DNAI4: variants seen among roughly 807,000 people sequenced by gnomAD.
DNAI4 encodes WD repeat domain 78.
DNAI4 carries 85 observed loss-of-function variants against 105.8 expected under a neutral mutation model. That is an observed-to-expected ratio of 0.80 (90% CI 0.67 to 0.96). DNAI4 has a LOEUF of 0.96. Among genes scored for constraint, DNAI4 ranks in the 40% least tolerant of loss-of-function variants. The probability of loss-of-function intolerance (pLI) is 0.00; values close to 1 mark genes in which losing one functional copy is unlikely to be tolerated. For missense variants in DNAI4, 1,014 were observed against 1,005.6 expected (o/e 1.01, Z -0.11); for synonymous variants, 352 against 331.5 (o/e 1.06, Z -0.67).
chr1:66,822,466 G>T lies in DNAI4; in HGVS notation c.2391C>A (p.Thr797=), dbSNP rs759723511. Residue 797 remains threonine (T), a synonymous_variant, in exon 16 of 17, where the codon ACC becomes ACA. Coordinates refer to ENST00000371026, the MANE Select transcript of DNAI4 (RefSeq NM_024763.5). ...NTANPGIKFT[T]ILFAKQTDCL... ...AATCTGTTTGTTTGGCAAAGAGAAT[G>T]GTTGTGAACTTGATTCCAGGGTTAG... 6.2e-7 allele frequency: 1 copy of T among 1,612,778 alleles called. No homozygotes were observed. Among genetic ancestry groups the T allele is most frequent in the Non-Finnish European group, 8.5e-7 (1 of 1,179,462 alleles).
chr1:66,860,654 A>G (rs1646606350), intron 7 of DNAI4: 1 of 152,130 alleles, frequency 6.6e-6, no homozygotes, highest in African/African-American at 2.4e-5. Flanking sequence ...CCATACACAC[A>G]TGAAATACTC....
At chr1:66,847,865 T>C in intron 7 of DNAI4, 187 bp from the exon 8 acceptor site, 1 of 545,956 alleles carries the variant, frequency 1.8e-6, no homozygotes, top group Non-Finnish European at 3.2e-6. Flanking sequence ...CATTTTGGAA[T>C]TCTTAACCAT....
intron 1 of DNAI4, among the ~76,000 whole-genome samples, chr1:66,907,551 C>T (rs1282322453): frequency 6.6e-6 from 1 of 152,156 alleles, no homozygotes; most frequent in Non-Finnish European, 1.5e-5. Context: ...TCACTATATA[C>T]ACTATCCCTG....
chr1:66,920,920 A>C (rs1427468878), intron 1 of DNAI4, among the ~76,000 whole-genome samples: 1 of 152,210 alleles, frequency 6.6e-6, no homozygotes, highest in African/African-American at 2.4e-5. Context: ...CATAAAACAC[A>C]CTATCAGCCT....
intron 10 of DNAI4, among the ~76,000 whole-genome samples, chr1:66,836,234 GAA>G (rs1192365205): frequency 4.0e-4 from 54 of 136,598 alleles, no homozygotes; most frequent in African/African-American, 9.7e-4. Flanking sequence ...GAGAGAGAGA[GAA>G]AGAAAGAAAG....
At chr1:66,835,877 G>T in intron 10 of DNAI4, 100 bp from the exon 11 acceptor site, 1 of 1,029,094 alleles carries the variant, frequency 9.7e-7, no homozygotes, top group Non-Finnish European at 1.5e-6. Context: ...GTGGGTATGT[G>T]AGCAGAGTTA....
At chr1:66,923,769 G>A (rs955237394) in intron 1 of DNAI4, among the ~76,000 whole-genome samples, 1 of 152,172 alleles carries the variant, frequency 6.6e-6, no homozygotes, top group African/African-American at 2.4e-5. Flanking sequence ...CTGAGGTGGA[G>A]GAGATTGGAG....
intron 10 of DNAI4, among the ~76,000 whole-genome samples, chr1:66,836,323 A>AG (rs1646025643): frequency 8.1e-6 from 1 of 123,176 alleles, no homozygotes; most frequent in Non-Finnish European, 1.8e-5. Flanking sequence ...AAAGAAAGAA[A>AG]GAAGGAAAGA....
intron 1 of DNAI4, among the ~76,000 whole-genome samples, chr1:66,915,392 T>C (rs1226100114): frequency 6.6e-6 from 1 of 152,192 alleles, no homozygotes; most frequent in African/African-American, 2.4e-5. Context: ...TGGAGTCAGT[T>C]AGGTCATATC....
At chr1:66,822,082 T>C (rs1010679101) in intron 16 of DNAI4, among the ~76,000 whole-genome samples, 1 of 152,092 alleles carries the variant, frequency 6.6e-6, no homozygotes, top group Non-Finnish European at 1.5e-5. Context: ...CCCAATTACA[T>C]ACTAGGCACA....
chr1:66,893,533 G>C (rs1648047765), intron 2 of DNAI4, 120 bp from the exon 3 acceptor site: 1 of 574,556 alleles, frequency 1.7e-6, no homozygotes. Flanking sequence ...TCCTATAATA[G>C]GATAAACATG....
chr1:66,873,178 T>TTCTCCCTCTCCTTCTCCC lies in DNAI4; in HGVS notation c.800+1585_800+1602dup, dbSNP rs1434573479. Among the ~76,000 whole-genome samples, 5 of 151,370 alleles carry TTCTCCCTCTCCTTCTCCC rather than the reference T, an allele frequency of 3.3e-5. No individual in the cohort carries two copies. In the East Asian group the frequency reaches 5.8e-4, roughly 18 times the overall value. On this transcript the variant is annotated intron_variant, in intron 5 of 16. Coordinates refer to ENST00000371026, the MANE Select transcript of DNAI4 (RefSeq NM_024763.5). ...CTTCTCCTTCTCCTTCTCCCTTTCCTTCTCCCTCTCCTTCTCCCTCTCCCT... is the reference window on the plus strand; with the variant it reads ...CTTCTCCTTCTCCTTCTCCCTTTCCTTCTCCCTCTCCTTCTCCCTCTCCCTCTCCTTCTCCCTCTCCCT...
intron 1 of DNAI4, among the ~76,000 whole-genome samples, chr1:66,906,079 A>G (rs1031259674): frequency 4.6e-5 from 7 of 151,942 alleles, no homozygotes; most frequent in African/African-American, 1.7e-4. Flanking sequence ...GTGCACCACC[A>G]TGCCTGGCTA....
intron 2 of DNAI4, among the ~76,000 whole-genome samples, chr1:66,902,759 G>A (rs1376630990): frequency 2.6e-5 from 4 of 152,188 alleles, no homozygotes; most frequent in Non-Finnish European, 5.9e-5. Flanking sequence ...TCTTTTCCAT[G>A]TGGATATCCA....
intron 3 of DNAI4, among the ~76,000 whole-genome samples, 195 bp downstream of exon 3, chr1:66,893,034 G>GAGA (rs1553227588): frequency 4.4e-5 from 4 of 91,138 alleles, no homozygotes; most frequent in African/African-American, 1.9e-4. Context: ...AAGAAAGAGA[G>GAGA]GAAAGAAAGA....
chr1:66,845,190 C>CAAAAAAAAAAAAAAA (rs59265844), intron 8 of DNAI4, among the ~76,000 whole-genome samples: 5 of 106,322 alleles, frequency 4.7e-5, no homozygotes, highest in African/African-American at 8.0e-5. Context: ...AACTCCATCT[C>CAAAAAAAAAAAAAAA]AAAAAAAAAA....
chr1:66,834,923 T>C (rs1572614047), intron 11 of DNAI4, among the ~76,000 whole-genome samples: 6 of 152,316 alleles, frequency 3.9e-5, no homozygotes, highest in Admixed American at 3.9e-4. Context: ...GAACCTCTGC[T>C]TTAATGGTTA....
At chr1:66,826,697 T>A (rs1037934691) in intron 15 of DNAI4, 123 bp downstream of exon 15, 1 of 763,358 alleles carries the variant, frequency 1.3e-6, no homozygotes. Context: ...CATAAAGGAC[T>A]CTCATAAACT....
chr1:66,905,188 C>A lies in DNAI4; in HGVS notation c.345+13G>T. ...GCCATTTTCAAATAAACTCAGAATT[C>A]TAAGAATATTACCTGTGTTGTCTTT... is the stretch of plus-strand genomic sequence containing the variant. On this transcript the variant is annotated intron_variant, in intron 2 of 16. Transcript: ENST00000371026. 6.8e-7 allele frequency: 1 copy of A among 1,464,228 alleles called. No homozygotes were observed. Among genetic ancestry groups the A allele is most frequent in the South Asian group, 1.5e-5 (1 of 66,472 alleles). The allele number at this position is 1,464,228 out of a possible 1,614,324, so 90.7% of individuals were successfully genotyped here.
Sources: gnomAD v4.1 joint callset for allele counts (sites outside exome capture counted in the v4.1 genomes callset) on GRCh38, gnomAD v4.1.1 for gene constraint, MANE v1.5 for transcripts, NCBI Gene and HGNC (gene_info 2026-07-23, HGNC 2026-07-21) for gene names.